FANCD2: variants seen among roughly 807,000 people sequenced by gnomAD.
FANCD2 encodes FA complementation group D2, also known as Fanconi anemia group D2 protein.
A neutral mutation model predicts 192.3 loss-of-function variants in FANCD2; 131 were observed. The observed-to-expected ratio is 0.68, with a 90% CI of 0.59 to 0.79. FANCD2 has a LOEUF of 0.79. FANCD2 is among the 30% of genes least tolerant of loss of function. The pLI, the probability that FANCD2 is intolerant of heterozygous loss-of-function variation, is 0.00. For synonymous variants in FANCD2, 524 were observed against 612.5 expected (o/e 0.86, Z 2.13); for missense variants, 1,508 against 1,701.6 (o/e 0.89, Z 2.00).
intron 1 of FANCD2, among the ~76,000 whole-genome samples, chr3:10,027,335 A>G (rs931396086): frequency 3.9e-5 from 6 of 152,210 alleles, no homozygotes; most frequent in African/African-American, 1.2e-4. Flanking sequence ...GGAAGATGAC[A>G]TTCGATTGAA....
intron 6 of FANCD2, 37 bp from the exon 7 acceptor site, chr3:10,036,246 TTTTG>T (rs1374730978): frequency 2.0e-6 from 3 of 1,529,494 alleles, no homozygotes. Flanking sequence ...CTATTGTGTA[TTTTG>T]AGATCATCTC....
intron 3 of FANCD2, 109 bp from the exon 4 acceptor site, chr3:10,034,360 A>G: frequency 1.3e-6 from 1 of 753,360 alleles, no homozygotes; most frequent in Non-Finnish European, 2.3e-6. Context: ...TGTCTCTGAA[A>G]TTAGGTTGAA....
intron 29 of FANCD2, among the ~76,000 whole-genome samples, chr3:10,075,188 C>CT (rs57693909): frequency 0.2 from 29,629 of 145,120 alleles, 3,525 homozygotes; most frequent in African/African-American, 0.34. Flanking sequence ...TTATTATTTT[C>CT]TTTTTTTTTT....
intron 38 of FANCD2, among the ~76,000 whole-genome samples, chr3:10,092,746 G>T (rs921451927): frequency 7.5e-6 from 1 of 132,568 alleles, no homozygotes; most frequent in Non-Finnish European, 1.5e-5. Context: ...AGGCTGGAAT[G>T]CAGTAGGGTG....
chr3:10,069,732 G>A (rs559032815), intron 26 of FANCD2, among the ~76,000 whole-genome samples: 116 of 152,278 alleles, frequency 7.6e-4, no homozygotes, highest in South Asian at 1.0e-3. Flanking sequence ...CCGAGGTGCC[G>A]GGATTGCAGA....
chr3:10,054,360 TATATATAC>T (rs2087313962), intron 18 of FANCD2, among the ~76,000 whole-genome samples: 2 of 113,438 alleles, frequency 1.8e-5, no homozygotes, highest in African/African-American at 1.0e-4. Flanking sequence ...TACGTATATA[TATATATAC>T]GTGTATATAC....
At chr3:10,037,101 C>G (rs1056304456) in intron 7 of FANCD2, among the ~76,000 whole-genome samples, 25 of 151,912 alleles carry the variant, frequency 1.6e-4, no homozygotes, top group Non-Finnish European at 3.2e-4. Context: ...CTGCCTTAGC[C>G]TCTCAAACTA....
chr3:10,086,047 C>A, intron 33 of FANCD2, 125 bp downstream of exon 33: 1 of 715,468 alleles, frequency 1.4e-6, no homozygotes, highest in Non-Finnish European at 2.6e-6. Context: ...TTCAGCTACT[C>A]TCCTCATATA....
chr3:10,087,409 G>T, intron 34 of FANCD2, 145 bp downstream of exon 34: 1 of 770,150 alleles, frequency 1.3e-6, no homozygotes, highest in Non-Finnish European at 2.0e-6. Flanking sequence ...TACCAAGAAG[G>T]TCATTTTCCC....
chr3:10,042,953 C>T, intron 11 of FANCD2, 97 bp from the exon 12 acceptor site: 1 of 1,109,498 alleles, frequency 9.0e-7, no homozygotes, highest in Admixed American at 1.9e-5. Flanking sequence ...TTTTTTTCTT[C>T]CTCAGTCTTT....
At chr3:10,036,367 A>C (rs745686606) in intron 7 of FANCD2, 28 bp downstream of exon 7, 1 of 1,542,280 alleles carries the variant, frequency 6.5e-7, no homozygotes, top group Admixed American at 1.7e-5. Context: ...GGAATGTTCA[A>C]AGTACCCTGA....
rs140452766 is a variant in FANCD2 at position 10,063,884 on chromosome 3, A to C, written c.1920A>C (p.Gln640His). The change falls in exon 21 of 44, where the codon CAA becomes CAC. Residue 640 changes from glutamine (Q) to histidine (H), a missense_variant. Physicochemically the swap from Gln to His is conservative, Grantham distance 24. Transcript: ENST00000675286. Reference sequence around the variant, plus strand: ...ATGATGAATTTGCCAACCTGATCCAACATGAAAAGCTGGATCCAAAAGCCC... The same window carrying C: ...ATGATGAATTTGCCAACCTGATCCACCATGAAAAGCTGGATCCAAAAGCCC... ...LYYDEFANLI[Q>H]HEKLDPKALE... The C allele has an allele frequency of 9.2e-5, 149 of 1,614,240 alleles. No individual in the cohort carries two copies. In the African/African-American group the frequency reaches 1.6e-3, roughly 18 times the overall value.
chr3:10,075,276 C>T (rs770526431), intron 29 of FANCD2, among the ~76,000 whole-genome samples: 4 of 151,984 alleles, frequency 2.6e-5, no homozygotes, highest in East Asian at 1.9e-4. Context: ...CTCTGCCTCC[C>T]GGGTTCACGC....
intron 8 of FANCD2, 29 bp from the exon 9 acceptor site, chr3:10,039,692 T>G: frequency 6.2e-7 from 1 of 1,613,876 alleles, no homozygotes; most frequent in Non-Finnish European, 8.5e-7. Context: ...GGTAATGTGC[T>G]GCAGTTCTAA....
At chr3:10,050,401 A>G (rs570210918) in intron 17 of FANCD2, among the ~76,000 whole-genome samples, 72 of 148,904 alleles carry the variant, frequency 4.8e-4, no homozygotes, top group South Asian at 2.1e-3. Context: ...AAGGCGGGCA[A>G]ATCACGAGGT....
intron 30 of FANCD2, among the ~76,000 whole-genome samples, chr3:10,078,934 T>C (rs1693679630): frequency 6.9e-6 from 1 of 145,348 alleles, no homozygotes; most frequent in South Asian, 2.2e-4. Flanking sequence ...GGGTGACAGA[T>C]TTCGTCTCAA....
rs1173599413 is a variant in FANCD2, at chr3:10,101,237, A to T, written c.4331A>T (p.Asp1444Val). The change falls in exon 44 of 44, where the codon GAT becomes GTT. Residue 1444 changes from aspartate to valine, a missense_variant. Around this residue, in one of 5 missense-constraint regions of FANCD2, gnomAD observed 796 missense variants for 879.4 expected, o/e 0.91. Transcript: ENST00000675286. ...GCTGGAGAAAAGGAGCAAGATAGTG[A>T]TGAGAGTTATGATGACTCTGATTAG... ...VSAGEKEQDS[D>V]ESYDDSD 1 of 1,612,990 alleles carries T rather than the reference A, an allele frequency of 6.2e-7. No individual in the cohort carries two copies. The highest frequency in any genetic ancestry group is 1.7e-5 in the Admixed American group (1 of 59,972).
At position 10,062,228 on chromosome 3, in the gene FANCD2, C is replaced by T. The variant is rs2125029916; in HGVS notation, c.1827+17C>T. The T allele has an allele frequency of 1.2e-6, 2 of 1,605,936 alleles. No individual in the cohort carries two copies. Among genetic ancestry groups the T allele is most frequent in the Non-Finnish European group, 8.5e-7 (1 of 1,174,372 alleles). On this transcript the variant is annotated intron_variant, in intron 20 of 43. Coordinates refer to ENST00000675286, the MANE Select transcript of FANCD2 (RefSeq NM_001018115.3). ...TGCACACAGGTGAGTTCTTTTTTTCCTTTCTTTCTTTTTCCTGTCTTTTTT... is the reference window on the plus strand; with the variant it reads ...TGCACACAGGTGAGTTCTTTTTTTCTTTTCTTTCTTTTTCCTGTCTTTTTT...
intron 15 of FANCD2, among the ~76,000 whole-genome samples, chr3:10,047,087 A>G (rs1404922418): frequency 6.6e-6 from 1 of 152,292 alleles, no homozygotes; most frequent in Non-Finnish European, 1.5e-5. Flanking sequence ...TAAGCTAGGA[A>G]TAGTGTTTTG....
Sources: gnomAD v4.1 joint callset for allele counts (sites outside exome capture counted in the v4.1 genomes callset) on GRCh38, gnomAD v4.1.1 for gene constraint, gnomAD v4.1.1 regional missense constraint, MANE v1.5 for transcripts, NCBI Gene and HGNC (gene_info 2026-07-23, HGNC 2026-07-21) for gene names.